Variants in ZNF385D observed in about 807,000 individuals in gnomAD.
The protein encoded by ZNF385D is zinc finger protein 385D, also known as zinc finger protein 659.
ZNF385D carries 15 observed loss-of-function variants against 35.8 expected under a neutral mutation model. That is an observed-to-expected ratio of 0.42 (90% CI 0.28 to 0.64). ZNF385D has a LOEUF of 0.64. ZNF385D is among the 30% of genes least tolerant of loss of function. The pLI, the probability that ZNF385D is intolerant of heterozygous loss-of-function variation, is 0.23. For synonymous variants in ZNF385D, 212 were observed against 186.8 expected (o/e 1.13, Z -1.10); for missense variants, 474 against 494.6 (o/e 0.96, Z 0.39).
intron 3 of ZNF385D, among the ~76,000 whole-genome samples, chr3:22,138,013 G>T (rs912451341): frequency 6.6e-6 from 1 of 152,126 alleles, no homozygotes; most frequent in South Asian, 2.1e-4. Context: ...ATAAGCAATC[G>T]TATACACCAA....
intron 2 of ZNF385D, among the ~76,000 whole-genome samples, chr3:22,285,301 A>G (rs1188642921): frequency 1.3e-5 from 2 of 152,138 alleles, no homozygotes; most frequent in Non-Finnish European, 2.9e-5. Context: ...CTTTAACTTC[A>G]TGTATCCATT....
chr3:22,269,240 T>C (rs1269298926), intron 2 of ZNF385D, among the ~76,000 whole-genome samples: 1 of 151,862 alleles, frequency 6.6e-6, no homozygotes, highest in South Asian at 2.1e-4. Flanking sequence ...AAATGTAAAA[T>C]GAATGAGAGA....
At chr3:22,168,752 T>G (rs951509485) in intron 3 of ZNF385D, 1 of 897,216 alleles carries the variant, frequency 1.1e-6, no homozygotes, top group African/African-American at 1.8e-5. Context: ...TCCTCACATC[T>G]GCAGGTACAC....
At chr3:22,238,327 T>G (rs1384664335) in intron 2 of ZNF385D, among the ~76,000 whole-genome samples, 1 of 151,104 alleles carries the variant, frequency 6.6e-6, no homozygotes, top group Non-Finnish European at 1.5e-5. Context: ...ATTTTAAGAT[T>G]AGCTTGTCCA....
chr3:21,992,165 A>C (rs557287044), intron 3 of ZNF385D, among the ~76,000 whole-genome samples: 1 of 152,158 alleles, frequency 6.6e-6, no homozygotes, highest in Non-Finnish European at 1.5e-5. Context: ...CACTCTAACC[A>C]AGCAATACCA....
At position 22,155,923 on chromosome 3, in the gene ZNF385D, T is replaced by C. The variant is rs577013832; in HGVS notation, c.325+12894A>G. On this transcript the variant is annotated intron_variant, in intron 3 of 5. Coordinates refer to the ZNF385D transcript ENST00000494108. ...AAAGTTAAGAGTATTCAAAATAGTA[T>C]TCAGATACCCCAGGGTAAAAATCAG... Among the ~76,000 whole-genome samples, 4 of 152,192 alleles carry C rather than the reference T, an allele frequency of 2.6e-5. No homozygotes were observed. The East Asian group carries it at 7.7e-4, about 29-fold the overall frequency.
chr3:21,992,465 C>T (rs1288108093), intron 3 of ZNF385D, among the ~76,000 whole-genome samples: 1 of 152,134 alleles, frequency 6.6e-6, no homozygotes, highest in African/African-American at 2.4e-5. Context: ...CATCATCCAT[C>T]ACAGCTATCA....
At chr3:22,086,882 A>G (rs577758722) in intron 3 of ZNF385D, among the ~76,000 whole-genome samples, 2 of 152,030 alleles carry the variant, frequency 1.3e-5, no homozygotes, top group Admixed American at 1.3e-4. Context: ...GAATTGAACA[A>G]TGAGAACACT....
chr3:22,033,096 CAA>C (rs1432763192), intron 3 of ZNF385D, among the ~76,000 whole-genome samples: 1 of 152,004 alleles, frequency 6.6e-6, no homozygotes, highest in East Asian at 1.9e-4. Flanking sequence ...GCTGCGAGGT[CAA>C]AGAGTATAGA....
intron 3 of ZNF385D, among the ~76,000 whole-genome samples, chr3:21,867,231 G>A (rs1697414437): frequency 6.6e-6 from 1 of 152,054 alleles, no homozygotes; most frequent in Admixed American, 6.6e-5. Context: ...CCATTATTGA[G>A]GTCAAGAAGC....
chr3:22,008,523 AT>A (rs1031616849), intron 3 of ZNF385D, among the ~76,000 whole-genome samples: 1 of 151,850 alleles, frequency 6.6e-6, no homozygotes, highest in African/African-American at 2.4e-5. Context: ...CTCCCTGCTA[AT>A]TTTTTGTATT....
At chr3:21,918,645 G>A (rs1379656200) in intron 3 of ZNF385D, among the ~76,000 whole-genome samples, 1 of 152,120 alleles carries the variant, frequency 6.6e-6, no homozygotes, top group African/African-American at 2.4e-5. Context: ...ATGGTCTGTG[G>A]TTTAAGAAAC....
rs182417711 is a variant in ZNF385D, at chr3:22,364,038, C to A, written c.106+8412G>T. ...TTTATGGGGTTTCTACCTCTTGATG[C>A]TCAACATTATGTTTGTGATAGTATT... On this transcript the variant is annotated intron_variant, in intron 2 of 5. Transcript: ENST00000494108. Among the ~76,000 whole-genome samples the A allele has an allele frequency of 5.1e-4, 77 of 152,142 alleles. No individual in the cohort carries two copies. In the East Asian group the frequency reaches 0.013, roughly 26 times the overall value.
chr3:22,206,400 A>G (rs947428930), intron 2 of ZNF385D, among the ~76,000 whole-genome samples: 5 of 151,994 alleles, frequency 3.3e-5, no homozygotes, highest in African/African-American at 1.2e-4. Context: ...AAGAAACATC[A>G]GACTTAATCT....
chr3:22,297,523 A>G (rs1702655502), intron 2 of ZNF385D, among the ~76,000 whole-genome samples: 1 of 152,038 alleles, frequency 6.6e-6, no homozygotes, highest in African/African-American at 2.4e-5. Flanking sequence ...GCATGGCTGA[A>G]GTGGGGCCGG....
chr3:22,253,314 A>C (rs2728960), intron 2 of ZNF385D, among the ~76,000 whole-genome samples: 55,237 of 151,754 alleles, frequency 0.36, 10,215 homozygotes, highest in Admixed American at 0.42. Context: ...AATAGACTGT[A>C]ATTGAAACCA....
In ZNF385D at chr3:21,826,106, C is replaced by A. The variant is rs188644604; in HGVS notation, c.326-161078G>T. Among the ~76,000 whole-genome samples, 3 of 152,252 alleles carry A rather than the reference C, an allele frequency of 2.0e-5. No individual in the cohort carries two copies. In the East Asian group the frequency reaches 5.8e-4, roughly 29 times the overall value. The stretch of plus-strand genomic sequence containing the variant: ...TCCCTAGTGCCAAAAACGTTGGGGA[C>A]GGCTGCTCTAGCCAACTTTCTCTTA... On this transcript the variant is annotated intron_variant, in intron 3 of 5. Transcript: ENST00000494108.
At chr3:21,835,446 C>A (rs1695272165) in intron 3 of ZNF385D, among the ~76,000 whole-genome samples, 1 of 150,922 alleles carries the variant, frequency 6.6e-6, no homozygotes, top group Admixed American at 6.6e-5. Context: ...ATGTTCCCTG[C>A]TGAAATACTC....
chr3:22,150,140 C>T (rs1358297851), intron 3 of ZNF385D, among the ~76,000 whole-genome samples: 1 of 152,066 alleles, frequency 6.6e-6, no homozygotes, highest in Non-Finnish European at 1.5e-5. Flanking sequence ...TAAGATAATG[C>T]CAGAAATAAT....
Sources: allele counts gnomAD v4.1 joint callset (sites outside exome capture counted in the v4.1 genomes callset), GRCh38; gene constraint gnomAD v4.1.1; transcripts MANE v1.5; gene names NCBI Gene and HGNC (gene_info 2026-07-23, HGNC 2026-07-21).